Variants in HLA-DRB5 observed in about 807,000 individuals in gnomAD.
HLA-DRB5 encodes DR beta-5.
In HLA-DRB5, 11 loss-of-function variants were observed where a neutral mutation model predicts 22.4. The ratio of observed to expected loss-of-function variants is 0.49; its 90% CI spans 0.31 to 0.81. The LOEUF is 0.81. Ranked by LOEUF, HLA-DRB5 falls within the 40% of genes least tolerant of loss-of-function variation. HLA-DRB5 has a pLI of 0.05. For synonymous variants in HLA-DRB5, 57 were observed against 106.0 expected, an observed-to-expected ratio of 0.54 and a Z score of 2.84; for missense variants, 106 against 274.4, an observed-to-expected ratio of 0.39 and a Z score of 4.34.
rs1770196252 is a variant in HLA-DRB5, at chr6:32,530,126, T to G, written c.99A>C (p.Arg33=). 6.5e-7 allele frequency: 1 copy of G among 1,550,300 alleles called. No homozygotes were observed. The highest frequency in any genetic ancestry group is 8.8e-7 in the Non-Finnish European group (1 of 1,130,262). ...SSPLALAGDT[R]PRFLQQDKYE... Reference sequence around the variant, plus strand: ...TCAGCACCCACAATGTGCACTTACGTCGGGTGTCCCCAGCCAAAGCCAGTG... The same window carrying G: ...TCAGCACCCACAATGTGCACTTACGGCGGGTGTCCCCAGCCAAAGCCAGTG... The change falls in exon 1 of 6, where the codon CGA becomes CGC. Residue 33 remains arginine, a splice_region_variant and synonymous_variant. Transcript: ENST00000374975.
At chr6:32,528,851 A>G (rs139212224) in intron 1 of HLA-DRB5, among the ~76,000 whole-genome samples, 484 of 16,668 alleles carry the variant, frequency 0.029, 97 homozygotes, top group Middle Eastern at 0.17. Context: ...GCTGAGGAGG[A>G]AGGATAGCTT....
At chr6:32,521,073 C>A (rs1431445386) in intron 2 of HLA-DRB5, among the ~76,000 whole-genome samples, 1 of 39,074 alleles carries the variant, frequency 2.6e-5, no homozygotes, top group Non-Finnish European at 5.3e-5. Flanking sequence ...AAATAATAAC[C>A]AGAAACATAT....
intron 2 of HLA-DRB5, among the ~76,000 whole-genome samples, chr6:32,521,339 AAG>A (rs1768840446): frequency 6.1e-5 from 8 of 130,140 alleles, no homozygotes; most frequent in African/African-American, 2.0e-4. Flanking sequence ...GAAGCTTCAG[AAG>A]TGCCTCAGAG....
At chr6:32,528,868 T>G (rs138536568) in intron 1 of HLA-DRB5, among the ~76,000 whole-genome samples, 1,344 of 16,372 alleles carry the variant, frequency 0.082, 445 homozygotes, top group Middle Eastern at 0.23. Flanking sequence ...GCTTGAGTCT[T>G]GGAGGCAGAG....
chr6:32,529,182 C>CTTATGAGACATGAA (rs1475482665), intron 1 of HLA-DRB5, among the ~76,000 whole-genome samples: 1 of 134,854 alleles, frequency 7.4e-6, no homozygotes, highest in Non-Finnish European at 1.6e-5. Context: ...AACTTTCAGC[C>CTTATGAGACATGAA]CTATGAGATG....
At chr6:32,524,763 G>T (rs1376203851) in intron 1 of HLA-DRB5, among the ~76,000 whole-genome samples, 1 of 99,678 alleles carries the variant, frequency 1.0e-5, no homozygotes. Flanking sequence ...TGGCTTGCAT[G>T]GCTAGCACTG....
At chr6:32,519,282 T>C (rs72508428) in intron 3 of HLA-DRB5, 88 bp downstream of exon 3, 8,258 of 644,302 alleles carry the variant, frequency 0.013, 1,007 homozygotes, top group East Asian at 0.023. Context: ...GAAAATAGGA[T>C]GTGGGAGATG....
chr6:32,520,835 CA>C (rs1436104161), intron 2 of HLA-DRB5, among the ~76,000 whole-genome samples: 1 of 54,394 alleles, frequency 1.8e-5, no homozygotes. Context: ...ACATACAAAT[CA>C]AAAACTGGAG....
At chr6:32,525,868 A>G (rs796821476) in intron 1 of HLA-DRB5, among the ~76,000 whole-genome samples, 23,093 of 79,074 alleles carry the variant, frequency 0.29, 2,835 homozygotes, top group Admixed American at 0.36. Flanking sequence ...TAGAGTAGTA[A>G]CTGGTATATT....
chr6:32,521,491 C>A (rs796954174), intron 2 of HLA-DRB5, among the ~76,000 whole-genome samples: 517 of 109,462 alleles, frequency 4.7e-3, no homozygotes, highest in Non-Finnish European at 6.1e-3. Context: ...ATCTTCCACA[C>A]CCCTCAGCTC....
chr6:32,529,901 T>TAAA (rs1770139065), intron 1 of HLA-DRB5, among the ~76,000 whole-genome samples: 1 of 147,222 alleles, frequency 6.8e-6, no homozygotes, highest in East Asian at 2.1e-4. Context: ...GGTGGAGATT[T>TAAA]GAGAAGAAAT....
intron 1 of HLA-DRB5, among the ~76,000 whole-genome samples, chr6:32,529,905 A>T (rs72508459): frequency 0.072 from 9,082 of 126,170 alleles, 159 homozygotes; most frequent in Middle Eastern, 0.16. Flanking sequence ...GAGATTTGAG[A>T]AGAAATGACC....
At chr6:32,518,475 T>C (rs1381328873) in intron 4 of HLA-DRB5, 81 bp downstream of exon 4, 1 of 431,218 alleles carries the variant, frequency 2.3e-6, no homozygotes, top group Non-Finnish European at 3.9e-6. Flanking sequence ...GCCACTCATA[T>C]ACTGAGAACT....
intron 2 of HLA-DRB5, among the ~76,000 whole-genome samples, chr6:32,521,044 C>T (rs143687829): frequency 5.7e-4 from 13 of 22,982 alleles, no homozygotes; most frequent in Middle Eastern, 0.033. Context: ...CAAAAGAATT[C>T]CAAATAAAAA....
intron 1 of HLA-DRB5, among the ~76,000 whole-genome samples, chr6:32,525,638 G>A (rs1464420845): frequency 0.016 from 1,371 of 83,260 alleles, 14 homozygotes; most frequent in Non-Finnish European, 0.021. Flanking sequence ...ACTGCAATCT[G>A]ATTTCTAGCA....
Position 32,528,105 on chromosome 6 carries a change from G to A in HLA-DRB5, c.100+2020C>T, listed in dbSNP as rs141801762. The stretch of plus-strand genomic sequence containing the variant: ...CTTCCCCCCCAATTCGGTCTCCCTG[G>A]AACTTTCGTCCCTTAGATCTTCACG... On this transcript the variant is annotated intron_variant, in intron 1 of 5. Transcript: ENST00000374975. Among the ~76,000 whole-genome samples, 101 of 64,738 alleles carry A rather than the reference G, an allele frequency of 1.6e-3. 1 individual carries two copies. The highest frequency in any genetic ancestry group is 9.3e-3 in the Middle Eastern group (1 of 108). 42.5% of individuals were successfully genotyped at this position (64,738 alleles called of 152,430 possible).
chr6:32,524,545 T>A (rs182092510), intron 1 of HLA-DRB5, among the ~76,000 whole-genome samples: 3,043 of 50,750 alleles, frequency 0.06, 13 homozygotes, highest in Admixed American at 0.073. Flanking sequence ...AAAATGACGT[T>A]CTCATACAGA....
intron 1 of HLA-DRB5, among the ~76,000 whole-genome samples, chr6:32,523,205 A>T (rs1383491553): frequency 0.021 from 786 of 37,614 alleles, 2 homozygotes; most frequent in Middle Eastern, 0.052. Flanking sequence ...CACAAAGCTC[A>T]GATATTCAGT....
intron 2 of HLA-DRB5, among the ~76,000 whole-genome samples, chr6:32,521,212 TAG>T (rs1768820489): frequency 3.3e-4 from 15 of 46,032 alleles, no homozygotes; most frequent in South Asian, 2.3e-3. Context: ...TATAATAAAA[TAG>T]TAACAGTGTA....
Sources: allele counts gnomAD v4.1 joint callset (sites outside exome capture counted in the v4.1 genomes callset), GRCh38; gene constraint gnomAD v4.1.1; transcripts MANE v1.5; gene names NCBI Gene and HGNC (gene_info 2026-07-23, HGNC 2026-07-21).